Variants in BMPR2 observed in about 807,000 individuals in gnomAD.
BMPR2 encodes the protein bone morphogenetic protein receptor type-2.
BMPR2 carries 29 observed loss-of-function variants against 100.8 expected under a neutral mutation model. That is an observed-to-expected ratio of 0.29 (90% confidence interval 0.21 to 0.39). The LOEUF (loss-of-function observed/expected upper bound fraction) is 0.39, where lower values mean the gene tolerates loss of function less well. Ranked by LOEUF, BMPR2 falls within the 10% of genes least tolerant of loss-of-function variation. The pLI is 1.00. For synonymous variants in BMPR2, 382 were observed against 442.3 expected, an observed-to-expected ratio of 0.86 and a Z score of 1.71; for missense variants, 1,011 against 1,274.5, an observed-to-expected ratio of 0.79 and a Z score of 3.15.
intron 1 of BMPR2, among the ~76,000 whole-genome samples, 197 bp downstream of exon 1, chr2:202,377,747 C>T (rs576212190): frequency 6.6e-6 from 1 of 152,360 alleles, no homozygotes; most frequent in African/African-American, 2.4e-5. Flanking sequence ...GTGTATTTTC[C>T]TATCCCCACT....
chr2:202,445,923 C>T (rs1481465783), intron 1 of BMPR2, among the ~76,000 whole-genome samples: 3 of 149,362 alleles, frequency 2.0e-5, no homozygotes, highest in Non-Finnish European at 4.4e-5. Context: ...TACAGGCGCC[C>T]GCCAACACAC....
chr2:202,378,752 TGTA>T lies in BMPR2; in HGVS notation c.76+1205_76+1207del, dbSNP rs1231520097. 2.4e-4 allele frequency among the ~76,000 whole-genome samples: 37 copies of T among 152,290 alleles called. No homozygotes were observed. In the East Asian group the frequency reaches 3.7e-3, roughly 15 times the overall value. On this transcript the variant is annotated intron_variant, in intron 1 of 12. Coordinates refer to ENST00000374580, the MANE Select transcript of BMPR2 (RefSeq NM_001204.7). ...CTGATATTTTAATATTTTTAATAAT[TGTA>T]GTTGCTTTCAGAGTAAAAATGATTT...
chr2:202,496,450 C>T (rs1396252060), intron 3 of BMPR2, among the ~76,000 whole-genome samples: 9 of 151,954 alleles, frequency 5.9e-5, no homozygotes, highest in Non-Finnish European at 1.2e-4. Context: ...GCACTCCAGC[C>T]TGAGCGACAA....
intron 12 of BMPR2, among the ~76,000 whole-genome samples, chr2:202,557,227 G>A (rs1688591056): frequency 6.6e-6 from 1 of 152,082 alleles, no homozygotes; most frequent in South Asian, 2.1e-4. Flanking sequence ...ACTTTGGGAG[G>A]CTGAGGCAGG....
intron 1 of BMPR2, among the ~76,000 whole-genome samples, chr2:202,427,546 A>T (rs1004494267): frequency 6.6e-6 from 1 of 151,402 alleles, no homozygotes; most frequent in African/African-American, 2.4e-5. Context: ...TTTCCTCTGA[A>T]CCTTAAAACT....
chr2:202,519,134 G>A (rs1447152303), intron 6 of BMPR2, 82 bp downstream of exon 6: 4 of 1,415,666 alleles, frequency 2.8e-6, no homozygotes, highest in Non-Finnish European at 4.0e-6. Context: ...GGCTAAGGCA[G>A]GTGGATCACT....
chr2:202,560,077 C>A lies in BMPR2; in HGVS notation c.*131C>A. 1 of 1,159,158 alleles carries A rather than the reference C, an allele frequency of 8.6e-7. No individual in the cohort carries two copies. The highest frequency in any genetic ancestry group is 1.2e-6 in the Non-Finnish European group (1 of 829,406). The allele number at this position is 1,159,158 out of a possible 1,614,324, so 71.8% of individuals were successfully genotyped here. Reference sequence around the variant, plus strand: ...CTCCCACCCCTGCAACAAAGACTTGCTTTAAATAGATTTCAGCTATGCAGA... The same window carrying A: ...CTCCCACCCCTGCAACAAAGACTTGATTTAAATAGATTTCAGCTATGCAGA... On this transcript the variant is annotated 3_prime_UTR_variant, in exon 13 of 13. Coordinates refer to ENST00000374580, the MANE Select transcript of BMPR2 (RefSeq NM_001204.7).
Position 202,434,909 on chromosome 2 carries a change from ATATATATAT to A in BMPR2, c.77-29899_77-29891del, listed in dbSNP as rs1409351168. Among the ~76,000 whole-genome samples the A allele has an allele frequency of 1.8e-3, 50 of 28,018 alleles. 1 individual carries two copies. Among genetic ancestry groups the A allele is most frequent in the Non-Finnish European group, 2.4e-3 (40 of 16,540 alleles). 18.4% of individuals were successfully genotyped at this position (28,018 alleles called of 152,430 possible). ...AAAAAAAAAAAAAAAAAAAAAAAAA[ATATATATAT>A]ATATATATATATATATATTTATTTA... On this transcript the variant is annotated intron_variant, in intron 1 of 12. Transcript: ENST00000374580.
chr2:202,509,873 G>A (rs1687588701), intron 3 of BMPR2, among the ~76,000 whole-genome samples: 1 of 151,888 alleles, frequency 6.6e-6, no homozygotes, highest in Non-Finnish European at 1.5e-5. Context: ...GTTCTTTTGG[G>A]AATTATAACA....
At chr2:202,383,157 C>T (rs1396765255) in intron 1 of BMPR2, among the ~76,000 whole-genome samples, 2 of 152,188 alleles carry the variant, frequency 1.3e-5, no homozygotes, top group South Asian at 2.1e-4. Flanking sequence ...GTGGCCTGGG[C>T]GAAGTGGCTT....
chr2:202,406,647 C>T (rs1027565898), intron 1 of BMPR2, among the ~76,000 whole-genome samples: 1 of 152,180 alleles, frequency 6.6e-6, no homozygotes, highest in Non-Finnish European at 1.5e-5. Flanking sequence ...GGAAACCATA[C>T]AGAATTGAGC....
chr2:202,496,521 G>T (rs531352122), intron 3 of BMPR2, among the ~76,000 whole-genome samples: 1 of 151,780 alleles, frequency 6.6e-6, no homozygotes, highest in Non-Finnish European at 1.5e-5. Context: ...TTAAATAATT[G>T]TTATGAAGTT....
intron 3 of BMPR2, among the ~76,000 whole-genome samples, chr2:202,474,460 CAAAA>C (rs377734779): frequency 6.6e-6 from 1 of 151,444 alleles, no homozygotes; most frequent in African/African-American, 2.4e-5. Context: ...GATTCCGTCT[CAAAA>C]AAAACCAAAA....
chr2:202,467,405 T>C (rs1415745995), intron 2 of BMPR2, 114 bp from the exon 3 acceptor site: 1 of 924,348 alleles, frequency 1.1e-6, no homozygotes, highest in African/African-American at 1.7e-5. Context: ...TGCAAAACTG[T>C]TTCATAGCTT....
At chr2:202,485,620 C>G (rs1692762189) in intron 3 of BMPR2, among the ~76,000 whole-genome samples, 1 of 126,284 alleles carries the variant, frequency 7.9e-6, no homozygotes, top group South Asian at 2.8e-4. Flanking sequence ...GATCTCAGCT[C>G]ACTACAGCCT....
chr2:202,509,184 A>T (rs1687580804), intron 3 of BMPR2, among the ~76,000 whole-genome samples: 1 of 152,166 alleles, frequency 6.6e-6, no homozygotes, highest in Non-Finnish European at 1.5e-5. Flanking sequence ...GTCGTAGTTT[A>T]AGCAGCATAC....
intron 1 of BMPR2, among the ~76,000 whole-genome samples, chr2:202,443,107 C>T (rs531265622): frequency 1.3e-5 from 2 of 150,630 alleles, no homozygotes; most frequent in South Asian, 2.1e-4. Context: ...TGGGAAGACA[C>T]AGCAACAACA....
intron 2 of BMPR2, 142 bp from the exon 3 acceptor site, chr2:202,467,377 A>T (rs1692345724): frequency 1.3e-6 from 1 of 750,574 alleles, no homozygotes; most frequent in Non-Finnish European, 2.2e-6. Flanking sequence ...TTTCTTAAAA[A>T]TATGTTTCCT....
At chr2:202,544,761 CTTT>C (rs56654364) in intron 10 of BMPR2, among the ~76,000 whole-genome samples, 240 of 82,682 alleles carry the variant, frequency 2.9e-3, no homozygotes, top group African/African-American at 0.011. Context: ...CTTTTTCTTT[CTTT>C]TTTTTTTTTT....
Sources: allele counts gnomAD v4.1 joint callset (sites outside exome capture counted in the v4.1 genomes callset), GRCh38; gene constraint gnomAD v4.1.1; transcripts MANE v1.5; gene names NCBI Gene and HGNC (gene_info 2026-07-23, HGNC 2026-07-21).